The following ENPEP variants were observed in gnomAD, a reference collection of about 807,000 sequenced individuals.
ENPEP encodes the protein AP-A.
In ENPEP, 103 loss-of-function variants were observed where a neutral mutation model predicts 114.5. The observed-to-expected ratio is 0.90, with a 90% confidence interval of 0.77 to 1.06. ENPEP has a LOEUF of 1.06. Ranked by LOEUF, ENPEP falls within the 50% of genes least tolerant of loss-of-function variation. ENPEP has a pLI of 0.00. For synonymous variants in ENPEP, 420 were observed against 422.0 expected (o/e 1.00, Z 0.06); for missense variants, 1,196 against 1,161.3 (o/e 1.03, Z -0.43).
chr4:110,522,654 G>A (rs544919458), intron 10 of ENPEP, among the ~76,000 whole-genome samples: 22 of 152,246 alleles, frequency 1.4e-4, no homozygotes, highest in African/African-American at 5.3e-4. Flanking sequence ...TCAGAAAACA[G>A]AGACATAAGT....
chr4:110,530,775 T>C lies in ENPEP; in HGVS notation c.1728-423T>C, dbSNP rs1439993067. Among the ~76,000 whole-genome samples, 3 of 152,138 alleles carry C rather than the reference T, an allele frequency of 2.0e-5. No homozygotes were observed. The South Asian group carries it at 6.2e-4, about 32-fold the overall frequency. ...AAAATGTGTTATTTCCTTCACAGAG[T>C]TTACTATTTGTCTTCTAATTTCTAA... is the stretch of plus-strand genomic sequence containing the variant. On this transcript the variant is annotated intron_variant, in intron 10 of 19. Transcript: ENST00000265162.
chr4:110,539,398 T>C (rs1726765377), intron 11 of ENPEP, among the ~76,000 whole-genome samples: 1 of 152,200 alleles, frequency 6.6e-6, no homozygotes, highest in Non-Finnish European at 1.5e-5. Context: ...AACCAATCCA[T>C]TTTATTATGG....
chr4:110,533,649 G>A (rs1726494659), intron 11 of ENPEP, among the ~76,000 whole-genome samples: 1 of 152,158 alleles, frequency 6.6e-6, no homozygotes, highest in African/African-American at 2.4e-5. Context: ...GATAAAAATT[G>A]AATGTAGAGG....
intron 8 of ENPEP, among the ~76,000 whole-genome samples, chr4:110,516,454 C>G (rs991918063): frequency 6.6e-6 from 1 of 152,178 alleles, no homozygotes; most frequent in East Asian, 1.9e-4. Flanking sequence ...CTACTCTTTC[C>G]CTTCCACCTA....
chr4:110,514,936 A>G (rs1184880449), intron 7 of ENPEP, among the ~76,000 whole-genome samples: 1 of 152,146 alleles, frequency 6.6e-6, no homozygotes, highest in East Asian at 1.9e-4. Flanking sequence ...TTCCTTGACT[A>G]TCTACTTCCC....
At chr4:110,558,625 T>A (rs1727574826) in intron 18 of ENPEP, among the ~76,000 whole-genome samples, 1 of 152,184 alleles carries the variant, frequency 6.6e-6, no homozygotes, top group African/African-American at 2.4e-5. Flanking sequence ...AAATTTATCC[T>A]ATTGCTGTGT....
intron 3 of ENPEP, among the ~76,000 whole-genome samples, chr4:110,502,055 A>G (rs1725183103): frequency 6.6e-6 from 1 of 152,044 alleles, no homozygotes; most frequent in Non-Finnish European, 1.5e-5. Flanking sequence ...GCATTTTTTC[A>G]TATGCTTGTG....
At chr4:110,515,841 T>C (rs1725744322) in intron 8 of ENPEP, 1 of 456,158 alleles carries the variant, frequency 2.2e-6, no homozygotes, top group Non-Finnish European at 4.4e-6. Context: ...GAAGCCTCTC[T>C]TCCGGGCTTG....
At chr4:110,486,987 C>A (rs544376318) in intron 1 of ENPEP, among the ~76,000 whole-genome samples, 4 of 151,882 alleles carry the variant, frequency 2.6e-5, no homozygotes, top group South Asian at 2.1e-4. Flanking sequence ...CATAGAGGGT[C>A]GAAGTGAGTT....
chr4:110,514,820 C>T (rs1725700859), intron 7 of ENPEP, among the ~76,000 whole-genome samples: 2 of 152,046 alleles, frequency 1.3e-5, no homozygotes, highest in Admixed American at 1.3e-4. Context: ...AGATGTTCAT[C>T]AGATTCTTCA....
chr4:110,559,808 A>T (rs1727618806), intron 19 of ENPEP, 83 bp downstream of exon 19: 2 of 1,093,816 alleles, frequency 1.8e-6, no homozygotes, highest in Admixed American at 2.0e-5. Context: ...TAAGTTCTGG[A>T]ATACATGTGC....
At chr4:110,518,842 A>G (rs989976886) in intron 8 of ENPEP, among the ~76,000 whole-genome samples, 10 of 152,230 alleles carry the variant, frequency 6.6e-5, no homozygotes, top group Non-Finnish European at 1.2e-4. Context: ...AAGACCTTGT[A>G]GTAGTCAAAC....
At position 110,549,616 on chromosome 4, in the gene ENPEP, C is replaced by T. The variant is rs1394651520; in HGVS notation, c.2314C>T (p.Leu772=). The change falls in exon 16 of 20, where the codon CTA becomes TTA. Residue 772 remains leucine, a synonymous_variant. Coordinates refer to ENST00000265162, the MANE Select transcript of ENPEP (RefSeq NM_001977.4). The part of the protein sequence containing the change: ...NNASSLFEQW[L]NGTVSLPVNL... Reference sequence around the variant, plus strand: ...TGCTTCCTCGTTATTTGAGCAGTGGCTAAATGGGACTGTAAGGTGATTACT... The same window carrying T: ...TGCTTCCTCGTTATTTGAGCAGTGGTTAAATGGGACTGTAAGGTGATTACT... 26 of 1,613,396 alleles carry T rather than the reference C, an allele frequency of 1.6e-5. No homozygotes were observed. The highest frequency in any genetic ancestry group is 2.2e-5 in the Non-Finnish European group (26 of 1,179,648).
chr4:110,539,413 T>A (rs1578414011), intron 11 of ENPEP, among the ~76,000 whole-genome samples: 1 of 152,226 alleles, frequency 6.6e-6, no homozygotes, highest in Non-Finnish European at 1.5e-5. Flanking sequence ...TTATGGATCA[T>A]GTTAGCTTTA....
intron 18 of ENPEP, among the ~76,000 whole-genome samples, chr4:110,556,154 C>T (rs1727460947): frequency 6.6e-6 from 1 of 152,014 alleles, no homozygotes; most frequent in African/African-American, 2.4e-5. Context: ...CTCATCAAAG[C>T]AACTCAGTGT....
chr4:110,528,224 A>G (rs1401351398), intron 10 of ENPEP, among the ~76,000 whole-genome samples: 2 of 152,164 alleles, frequency 1.3e-5, no homozygotes, highest in Admixed American at 6.5e-5. Context: ...TTAAGAAGTC[A>G]TATATGCATA....
chr4:110,535,963 C>CT lies in ENPEP; in HGVS notation c.1807+4692dup, dbSNP rs549767579. Among the ~76,000 whole-genome samples, 1,165 of 152,038 alleles carry CT rather than the reference C, an allele frequency of 7.7e-3. 6 individuals carry two copies. The highest frequency in any genetic ancestry group is 0.027 in the African/African-American group (1,117 of 41,480). On this transcript the variant is annotated intron_variant, in intron 11 of 19. Coordinates refer to ENST00000265162, the MANE Select transcript of ENPEP (RefSeq NM_001977.4). Reference sequence around the variant, plus strand: ...TAAATTATTTTAGTTAACATATATACTTTTTTATACATAGCTGCCTGTAAT... The same window carrying CT: ...TAAATTATTTTAGTTAACATATATACTTTTTTTATACATAGCTGCCTGTAAT...
At chr4:110,542,677 C>T in intron 11 of ENPEP, 74 bp from the exon 12 acceptor site, 4 of 1,369,972 alleles carry the variant, frequency 2.9e-6, no homozygotes, top group South Asian at 1.7e-5. Flanking sequence ...TTCTTTTTGC[C>T]CTCTGGGTCT....
At chr4:110,489,755 G>A (rs1724634063) in intron 2 of ENPEP, among the ~76,000 whole-genome samples, 1 of 151,954 alleles carries the variant, frequency 6.6e-6, no homozygotes, top group Admixed American at 6.6e-5. Flanking sequence ...TTACACATTC[G>A]ACATGTAAAA....
Sources: gnomAD v4.1 joint callset for allele counts (sites outside exome capture counted in the v4.1 genomes callset) on GRCh38, gnomAD v4.1.1 for gene constraint, MANE v1.5 for transcripts, NCBI Gene and HGNC (gene_info 2026-07-23, HGNC 2026-07-21) for gene names.